Variants in ATP2C1 observed in about 807,000 individuals in gnomAD.
ATP2C1 encodes ATPase secretory pathway Ca2+ transporting 1.
A neutral mutation model predicts 120.5 loss-of-function variants in ATP2C1; 31 were observed. That is an observed-to-expected ratio of 0.26 (90% CI 0.19 to 0.35). The LOEUF (loss-of-function observed/expected upper bound fraction) is 0.35, where lower values mean the gene tolerates loss of function less well. ATP2C1 is among the 10% of genes least tolerant of loss of function. The pLI is 1.00. For missense variants in ATP2C1, 731 were observed against 1,107.5 expected (o/e 0.66, Z 4.83); for synonymous variants, 351 against 358.7 (o/e 0.98, Z 0.24).
intron 9 of ATP2C1, 97 bp downstream of exon 9, chr3:130,954,073 A>G (rs962623449): frequency 3.9e-6 from 5 of 1,289,862 alleles, no homozygotes; most frequent in Non-Finnish European, 5.5e-6. Context: ...TTTCAAATAC[A>G]TGACAAAGGA....
intron 2 of ATP2C1, chr3:130,918,577 G>T: frequency 1.4e-6 from 1 of 727,590 alleles, no homozygotes; most frequent in Non-Finnish European, 2.6e-6. Flanking sequence ...CAGCGCCCTG[G>T]CCATAAACTG....
intron 22 of ATP2C1, among the ~76,000 whole-genome samples, chr3:130,995,644 T>TATTA (rs2062581095): frequency 6.6e-6 from 1 of 152,138 alleles, no homozygotes; most frequent in African/African-American, 2.4e-5. Flanking sequence ...TTATTTTATT[T>TATTA]ATTTGTTTGT....
At chr3:130,890,824 T>G (rs1653673147), upstream of ATP2C1, among the ~76,000 whole-genome samples, 1 of 152,218 alleles carries the variant, frequency 6.6e-6, no homozygotes, top group African/African-American at 2.4e-5. Context: ...ATTTAGCATG[T>G]CCTTTATCTT....
At chr3:130,904,452 G>A (rs2058032795) in intron 2 of ATP2C1, among the ~76,000 whole-genome samples, 1 of 151,954 alleles carries the variant, frequency 6.6e-6, no homozygotes, top group African/African-American at 2.4e-5. Flanking sequence ...CTTCACCCGT[G>A]ATTAGCATGT....
chr3:130,920,951 T>C (rs1043764785), intron 2 of ATP2C1, among the ~76,000 whole-genome samples: 6 of 152,308 alleles, frequency 3.9e-5, no homozygotes, highest in African/African-American at 1.2e-4. Context: ...GTTTTCCTAA[T>C]GTCCTTTTCA....
intron 6 of ATP2C1, 49 bp from the exon 7 acceptor site, chr3:130,940,581 A>G (rs1256245971): frequency 8.2e-7 from 1 of 1,220,804 alleles, no homozygotes; most frequent in Non-Finnish European, 1.2e-6. Flanking sequence ...TCTAAATGGA[A>G]TATATTCATG....
At chr3:130,945,983 A>ATGATAG (rs906085270) in intron 8 of ATP2C1, among the ~76,000 whole-genome samples, 7 of 152,074 alleles carry the variant, frequency 4.6e-5, no homozygotes, top group African/African-American at 1.7e-4. Context: ...ATCGCTTGAA[A>ATGATAG]TGATAGCAAG....
At chr3:131,015,843 T>C (rs1403286352) in intron 26 of ATP2C1, 1 of 465,338 alleles carries the variant, frequency 2.1e-6, no homozygotes, top group Non-Finnish European at 3.9e-6. Context: ...AAGGAGAGAG[T>C]TGTATCCTAC....
intron 8 of ATP2C1, among the ~76,000 whole-genome samples, chr3:130,944,195 G>A (rs1018194577): frequency 3.9e-5 from 6 of 152,186 alleles, no homozygotes; most frequent in African/African-American, 1.4e-4. Context: ...TCATCATTTT[G>A]TAACTGTCAT....
At chr3:130,934,998 A>G (rs893214669) in intron 5 of ATP2C1, among the ~76,000 whole-genome samples, 1 of 152,106 alleles carries the variant, frequency 6.6e-6, no homozygotes, top group Non-Finnish European at 1.5e-5. Flanking sequence ...ACCCCCAGCA[A>G]TTTTAAAATT....
At chr3:130,900,997 T>C (rs2057794520) in intron 2 of ATP2C1, among the ~76,000 whole-genome samples, 1 of 152,004 alleles carries the variant, frequency 6.6e-6, no homozygotes, top group Non-Finnish European at 1.5e-5. Flanking sequence ...TCATCAGGGG[T>C]GGAAATATTA....
Position 130,943,296 on chromosome 3 carries a change from G to A in ATP2C1, c.531+1597G>A, listed in dbSNP as rs994368631. Among the ~76,000 whole-genome samples the A allele has an allele frequency of 4.7e-4, 71 of 152,108 alleles. 1 individual carries two copies. The highest frequency in any genetic ancestry group is 8.8e-5 in the Non-Finnish European group (6 of 68,008). ...AGTGGTGCGATCTCAGCTCACTGCAGTCTCCATCTCCTGGGTTCAAGCAAT... is the reference window on the plus strand; with the variant it reads ...AGTGGTGCGATCTCAGCTCACTGCAATCTCCATCTCCTGGGTTCAAGCAAT... On this transcript the variant is annotated intron_variant, in intron 8 of 27. Coordinates refer to ENST00000510168, the MANE Select transcript of ATP2C1 (RefSeq NM_001378687.1).
chr3:130,971,078 C>T (rs530121902), intron 17 of ATP2C1, among the ~76,000 whole-genome samples: 10 of 152,116 alleles, frequency 6.6e-5, no homozygotes, highest in Admixed American at 2.6e-4. Context: ...TAAACTTAGG[C>T]GATTTTCAGC....
At position 130,978,130 on chromosome 3, in the gene ATP2C1, C is replaced by T. The variant is rs116886211; in HGVS notation, c.1571-1119C>T. ...CATATATTTTTGTCACTGTCCCCTT[C>T]TGTTACCATCAGCCTCTATCCTAAC... On this transcript the variant is annotated intron_variant, in intron 18 of 27. Coordinates refer to ENST00000510168, the MANE Select transcript of ATP2C1 (RefSeq NM_001378687.1). Among the ~76,000 whole-genome samples, 520 of 152,298 alleles carry T rather than the reference C, an allele frequency of 3.4e-3. 16 individuals are homozygous for T. The highest frequency in any genetic ancestry group is 0.023 in the Admixed American group (346 of 15,286).
chr3:130,894,446 C>T lies in ATP2C1; in HGVS notation c.-181+109C>T. ...GGGGGGGCATCTCTAGGGCGCCGCCCCGCTGGCGTGAGCTGGGGACGTTGC... is the reference window on the plus strand; with the variant it reads ...GGGGGGGCATCTCTAGGGCGCCGCCTCGCTGGCGTGAGCTGGGGACGTTGC... On this transcript the variant is annotated intron_variant, in intron 1 of 27. Coordinates refer to ENST00000510168, the MANE Select transcript of ATP2C1 (RefSeq NM_001378687.1). This position sits in a 1 kb window ranked among gnomAD's most constrained non-coding sequence, Gnocchi z 4.5. The T allele has an allele frequency of 7.6e-7, 1 of 1,314,430 alleles. No individual in the cohort carries two copies. The highest frequency in any genetic ancestry group is 9.7e-7 in the Non-Finnish European group (1 of 1,026,144). 81.4% of individuals were successfully genotyped at this position (1,314,430 alleles called of 1,614,324 possible).
Position 130,971,991 on chromosome 3 carries a change from C to T in ATP2C1, c.1413+2595C>T, listed in dbSNP as rs76802445. ...GAGTTTTAGAAAAGCTGCCTGGTCT[C>T]GTAAGGCAGTGGTCCCCAGCCTTTT... On this transcript the variant is annotated intron_variant, in intron 17 of 27. Coordinates refer to ENST00000510168, the MANE Select transcript of ATP2C1 (RefSeq NM_001378687.1). Among the ~76,000 whole-genome samples, 740 of 152,264 alleles carry T rather than the reference C, an allele frequency of 4.9e-3. 9 individuals carry two copies. The highest frequency in any genetic ancestry group is 0.017 in the African/African-American group (696 of 41,546).
intron 17 of ATP2C1, among the ~76,000 whole-genome samples, chr3:130,970,740 A>G (rs772891479): frequency 1.3e-5 from 2 of 152,070 alleles, no homozygotes; most frequent in African/African-American, 4.8e-5. Flanking sequence ...CTAGTTGGTT[A>G]TATGTTTTTA....
intron 2 of ATP2C1, among the ~76,000 whole-genome samples, chr3:130,912,743 C>A (rs1424986450): frequency 6.8e-6 from 1 of 147,992 alleles, no homozygotes; most frequent in Admixed American, 6.7e-5. Context: ...CCCAGCCATC[C>A]CATTACTGGG....
chr3:130,892,891 C>T (rs761217629), upstream of ATP2C1, among the ~76,000 whole-genome samples: 2 of 152,180 alleles, frequency 1.3e-5, no homozygotes, highest in Admixed American at 1.3e-4. Flanking sequence ...CAACCCCGTC[C>T]GTTAATTCTG....
Sources: allele counts gnomAD v4.1 joint callset (sites outside exome capture counted in the v4.1 genomes callset), GRCh38; gene constraint gnomAD v4.1.1; non-coding constraint Gnocchi (gnomAD v3.1); transcripts MANE v1.5; gene names NCBI Gene and HGNC (gene_info 2026-07-23, HGNC 2026-07-21).